The following HS6ST2 variants were observed in gnomAD, a reference collection of about 807,000 sequenced individuals.
HS6ST2 encodes heparan sulfate 6-O-sulfotransferase 2, also known as heparan-sulfate 6-O-sulfotransferase 2.
HS6ST2 carries 17 observed loss-of-function variants against 33.0 expected under a neutral mutation model. The observed-to-expected ratio is 0.52, with a 90% CI of 0.35 to 0.77. The LOEUF (loss-of-function observed/expected upper bound fraction) is 0.77, where lower values mean the gene tolerates loss of function less well. HS6ST2 is among the 30% of genes least tolerant of loss of function. HS6ST2 has a pLI of 0.01. For missense variants in HS6ST2, 519 were observed against 551.7 expected (o/e 0.94, Z 0.59); for synonymous variants, 248 against 237.1 (o/e 1.05, Z -0.42).
intron 2 of HS6ST2, among the ~76,000 whole-genome samples, chrX:132,891,014 T>C (rs891114238): frequency 1.8e-5 from 2 of 111,719 alleles, no homozygotes; most frequent in African/African-American, 6.5e-5. Flanking sequence ...TTCTTCTTGG[T>C]CAAGGATTTG....
intron 2 of HS6ST2, among the ~76,000 whole-genome samples, chrX:132,852,674 C>T (rs1437876078): frequency 8.9e-6 from 1 of 112,347 alleles, no homozygotes; most frequent in Non-Finnish European, 1.9e-5. Flanking sequence ...AAGTCTTCTC[C>T]TACCCTGTCA....
chrX:132,860,481 C>T (rs780225917), intron 2 of HS6ST2, among the ~76,000 whole-genome samples: 2 of 112,017 alleles, frequency 1.8e-5, no homozygotes, highest in Non-Finnish European at 1.9e-5. Context: ...TAAAGCAGTG[C>T]TTTCTTCTAC....
At chrX:132,639,137 G>A (rs1344809185) in intron 4 of HS6ST2, among the ~76,000 whole-genome samples, 1 of 112,098 alleles carries the variant, frequency 8.9e-6, no homozygotes, top group Non-Finnish European at 1.9e-5. Flanking sequence ...ACTCAAGGTG[G>A]AATTCTTCAC....
chrX:132,875,626 T>C (rs2038234819), intron 2 of HS6ST2, among the ~76,000 whole-genome samples: 1 of 112,468 alleles, frequency 8.9e-6, no homozygotes, highest in African/African-American at 3.2e-5. Context: ...GGCACAGATC[T>C]TTCTGGAAAG....
chrX:132,925,252 C>T (rs2066698277), intron 2 of HS6ST2, among the ~76,000 whole-genome samples: 1 of 111,952 alleles, frequency 8.9e-6, no homozygotes, highest in African/African-American at 3.2e-5. Flanking sequence ...CATACCTTTC[C>T]TTATGTACCT....
At chrX:132,796,982 G>A (rs1383438859) in intron 2 of HS6ST2, among the ~76,000 whole-genome samples, 2 of 111,930 alleles carry the variant, frequency 1.8e-5, no homozygotes, top group East Asian at 5.6e-4. Flanking sequence ...AGGCGAAGAG[G>A]TGGATTTGTA....
At chrX:132,847,632 A>T (rs2065764856) in intron 2 of HS6ST2, among the ~76,000 whole-genome samples, 1 of 111,638 alleles carries the variant, frequency 9.0e-6, no homozygotes, top group Non-Finnish European at 1.9e-5. Context: ...CCACATCTGA[A>T]CATTGTTAAG....
At chrX:132,933,367 T>C (rs1444420340) in intron 2 of HS6ST2, among the ~76,000 whole-genome samples, 2 of 110,617 alleles carry the variant, frequency 1.8e-5, no homozygotes, top group African/African-American at 6.6e-5. Context: ...CGCAGACAAT[T>C]TGAGCTGGCA....
chrX:132,773,884 T>C (rs916858036), intron 2 of HS6ST2, among the ~76,000 whole-genome samples: 2 of 111,874 alleles, frequency 1.8e-5, no homozygotes, highest in African/African-American at 6.5e-5. Flanking sequence ...GTGTGAAAAC[T>C]GCTCCAGAAT....
intron 2 of HS6ST2, among the ~76,000 whole-genome samples, chrX:132,873,422 C>T (rs2066082497): frequency 8.9e-6 from 1 of 111,888 alleles, no homozygotes; most frequent in Admixed American, 9.5e-5. Flanking sequence ...GCAATTTTCC[C>T]ATGCCCTCAG....
At chrX:132,896,663 C>A (rs919402791) in intron 2 of HS6ST2, among the ~76,000 whole-genome samples, 14 of 111,234 alleles carry the variant, frequency 1.3e-4, no homozygotes, top group African/African-American at 4.6e-4. Flanking sequence ...GTATTACATG[C>A]CTGTATTAAA....
Position 132,626,243 on chromosome X carries a change from GT to G in HS6ST2, c.*1979del, listed in dbSNP as rs1206635361. ...GCACACCACAGCAATAACACAAAAT[GT>G]TTTTTCTGTAACAAGCTTTTCCACT... is the stretch of plus-strand genomic sequence containing the variant. On this transcript the variant is annotated 3_prime_UTR_variant, in exon 5 of 5. Coordinates refer to ENST00000370833, the MANE Select transcript of HS6ST2 (RefSeq NM_001394073.1). The G allele has an allele frequency of 8.9e-6, 1 of 112,434 alleles. No individual in the cohort carries two copies. Among genetic ancestry groups the G allele is most frequent in the Non-Finnish European group, 1.9e-5 (1 of 53,191 alleles). The allele number at this position is 112,434 out of a possible 1,213,427, so 9.3% of individuals were successfully genotyped here.
chrX:132,803,290 T>C (rs1191221370), intron 2 of HS6ST2, among the ~76,000 whole-genome samples: 1 of 111,676 alleles, frequency 9.0e-6, no homozygotes, highest in African/African-American at 3.3e-5. Flanking sequence ...TACCTCTAGG[T>C]CTCTAGCTCT....
intron 2 of HS6ST2, among the ~76,000 whole-genome samples, chrX:132,737,291 C>T (rs2064518677): frequency 9.0e-6 from 1 of 111,632 alleles, no homozygotes; most frequent in African/African-American, 3.3e-5. Context: ...AGAGTCCCTT[C>T]GTGGTAACTC....
At chrX:132,797,463 C>T (rs1223463784) in intron 2 of HS6ST2, among the ~76,000 whole-genome samples, 1 of 112,218 alleles carries the variant, frequency 8.9e-6, no homozygotes, top group Non-Finnish European at 1.9e-5. Flanking sequence ...TGAAACTTGA[C>T]AGGGAGAATG....
intron 2 of HS6ST2, among the ~76,000 whole-genome samples, chrX:132,951,512 G>C (rs1305812894): frequency 9.0e-6 from 1 of 111,363 alleles, no homozygotes; most frequent in Non-Finnish European, 1.9e-5. Context: ...AGAAAGGAAA[G>C]GGCCCTGGAA....
chrX:132,787,165 A>AGG (rs2065069860), intron 2 of HS6ST2, among the ~76,000 whole-genome samples: 1 of 68,018 alleles, frequency 1.5e-5, no homozygotes, highest in Non-Finnish European at 2.6e-5. Flanking sequence ...GTATATATAT[A>AGG]TGTATATATA....
At chrX:132,836,496 T>C (rs1267836046) in intron 2 of HS6ST2, among the ~76,000 whole-genome samples, 2 of 112,313 alleles carry the variant, frequency 1.8e-5, no homozygotes, top group African/African-American at 6.5e-5. Context: ...TTTTGGAGCA[T>C]TCTTGGACTC....
At chrX:132,635,521 CT>C (rs1392334850) in intron 4 of HS6ST2, among the ~76,000 whole-genome samples, 1 of 111,767 alleles carries the variant, frequency 8.9e-6, no homozygotes, top group East Asian at 2.8e-4. Flanking sequence ...CAGCAACCAC[CT>C]TTCTTTCTGT....
Sources: allele counts gnomAD v4.1 joint callset (sites outside exome capture counted in the v4.1 genomes callset), GRCh38; gene constraint gnomAD v4.1.1; transcripts MANE v1.5; gene names NCBI Gene and HGNC (gene_info 2026-07-23, HGNC 2026-07-21).